The following SYT2 variants were observed in gnomAD, a reference collection of about 807,000 sequenced individuals.
SYT2 encodes the protein synaptotagmin 2.
A neutral mutation model predicts 39.9 loss-of-function variants in SYT2; 15 were observed. The ratio of observed to expected loss-of-function variants is 0.38; its 90% CI spans 0.25 to 0.58. The LOEUF is 0.58. Among genes scored for constraint, SYT2 ranks in the 20% least tolerant of loss-of-function variants. SYT2 has a pLI of 0.70. For synonymous variants in SYT2, 181 were observed against 204.5 expected (o/e 0.89, Z 0.98); for missense variants, 389 against 530.3 (o/e 0.73, Z 2.62).
intron 1 of SYT2, among the ~76,000 whole-genome samples, chr1:202,702,737 G>A (rs1654151376): frequency 6.6e-6 from 1 of 152,182 alleles, no homozygotes; most frequent in African/African-American, 2.4e-5. Context: ...GCCGTCACTT[G>A]GTCCATCTGA....
intron 8 of SYT2, among the ~76,000 whole-genome samples, chr1:202,598,523 C>CG (rs1264259478): frequency 6.6e-6 from 1 of 150,834 alleles, no homozygotes; most frequent in Non-Finnish European, 1.5e-5. Flanking sequence ...AGCCCTCCTG[C>CG]GGGGAGGAGA....
intron 1 of SYT2, among the ~76,000 whole-genome samples, chr1:202,664,900 C>A (rs1692453869): frequency 6.6e-6 from 1 of 152,216 alleles, no homozygotes; most frequent in African/African-American, 2.4e-5. Context: ...CTCAGGTGAT[C>A]TGCCTGCCTT....
At chr1:202,650,748 G>A (rs1384808513) in intron 1 of SYT2, among the ~76,000 whole-genome samples, 11 of 152,190 alleles carry the variant, frequency 7.2e-5, no homozygotes, top group Non-Finnish European at 7.3e-5. Context: ...TGCAGCACGG[G>A]GAAAACAGCA....
intron 1 of SYT2, among the ~76,000 whole-genome samples, chr1:202,638,461 A>AC (rs1412111384): frequency 6.6e-6 from 1 of 152,206 alleles, no homozygotes; most frequent in African/African-American, 2.4e-5. Flanking sequence ...TGCCTGAGAG[A>AC]CCCGCTCAAT....
Position 202,592,797 on chromosome 1 carries a change from A to C in SYT2, c.*3960T>G, listed in dbSNP as rs928207118. On this transcript the variant is annotated 3_prime_UTR_variant, in exon 9 of 9. Coordinates refer to ENST00000367268, the MANE Select transcript of SYT2 (RefSeq NM_177402.5). Reference sequence around the variant, plus strand: ...CCCTTGGGACCAAAGGGAGAGGGGGAAAAGTCATAGGGTAGGGTTCCCAGA... The same window carrying C: ...CCCTTGGGACCAAAGGGAGAGGGGGCAAAGTCATAGGGTAGGGTTCCCAGA... 6.6e-6 allele frequency: 1 copy of C among 152,320 alleles called. No individual in the cohort carries two copies. The highest frequency in any genetic ancestry group is 2.1e-4 in the South Asian group (1 of 4,818). The allele number at this position is 152,320 out of a possible 1,614,324, so 9.4% of individuals were successfully genotyped here.
intron 1 of SYT2, among the ~76,000 whole-genome samples, chr1:202,648,572 G>A (rs150246761): frequency 7.9e-4 from 120 of 152,256 alleles, no homozygotes; most frequent in African/African-American, 2.4e-3. Flanking sequence ...TATGTTGCGT[G>A]GGGCAAGGCA....
chr1:202,653,518 G>A (rs962131598), intron 1 of SYT2, among the ~76,000 whole-genome samples: 8 of 149,546 alleles, frequency 5.3e-5, no homozygotes, highest in Non-Finnish European at 7.4e-5. Flanking sequence ...CATAGTAGAT[G>A]CTTGCCTTAA....
chr1:202,704,327 C>T (rs981321071), intron 1 of SYT2, among the ~76,000 whole-genome samples: 6 of 152,184 alleles, frequency 3.9e-5, no homozygotes, highest in Non-Finnish European at 8.8e-5. Context: ...GGGGAGCGCC[C>T]AGGCTGATAG....
intron 1 of SYT2, among the ~76,000 whole-genome samples, chr1:202,669,417 C>T (rs1165315482): frequency 1.3e-5 from 2 of 151,492 alleles, no homozygotes; most frequent in Admixed American, 1.3e-4. Flanking sequence ...TTTGGGAGGC[C>T]GAGGCGGGTG....
At chr1:202,642,466 T>A (rs79368122) in intron 1 of SYT2, among the ~76,000 whole-genome samples, 1 of 151,726 alleles carries the variant, frequency 6.6e-6, no homozygotes, top group South Asian at 2.1e-4. Flanking sequence ...GCAAACTGAG[T>A]AGGGCCCTCG....
At chr1:202,641,990 T>C (rs1416557717) in intron 1 of SYT2, among the ~76,000 whole-genome samples, 1 of 152,042 alleles carries the variant, frequency 6.6e-6, no homozygotes, top group Non-Finnish European at 1.5e-5. Context: ...GTAGGGGAGC[T>C]ACAGTCTTCC....
chr1:202,674,079 G>A (rs1291030743), intron 1 of SYT2, among the ~76,000 whole-genome samples: 2 of 152,044 alleles, frequency 1.3e-5, no homozygotes, highest in Non-Finnish European at 2.9e-5. Context: ...TCTGAACAAT[G>A]GGAGAGCACA....
chr1:202,637,497 G>A (rs1287929816), intron 1 of SYT2, among the ~76,000 whole-genome samples: 1 of 152,264 alleles, frequency 6.6e-6, no homozygotes, highest in Non-Finnish European at 1.5e-5. Flanking sequence ...CCATGTGCTG[G>A]GGGTGGGGAT....
At position 202,604,510 on chromosome 1, in the gene SYT2, T is replaced by A. The variant is rs1057030050; in HGVS notation, c.290A>T (p.Glu97Val). The change falls in exon 3 of 9, where the codon GAG becomes GTG. Residue 97 changes from glutamate to valine, a missense_variant. Physicochemically the swap from Glu to Val is moderately radical, Grantham distance 121 (BLOSUM62 -2). Transcript: ENST00000367268. ...GGCATTCTTCATGCCTTTGCCCTTC[T>A]CCTTCTTGTTCTTCTTCTTCTTGCA... ...CCCKKKKNKK[E>V]KGKGMKNAMN... 5.0e-6 allele frequency: 8 copies of A among 1,614,104 alleles called. No individual in the cohort carries two copies. The highest frequency in any genetic ancestry group is 5.9e-6 in the Non-Finnish European group (7 of 1,180,038).
In SYT2 at chr1:202,602,904, C is replaced by T. The variant is rs879137668; in HGVS notation, c.465+95G>A. ...TCATTCTATGGAAAGGAGTAGTGCC[C>T]ACACATCTCTGAGGGAGCTGTTTCT... On this transcript the variant is annotated intron_variant, in intron 4 of 8. Coordinates refer to ENST00000367268, the MANE Select transcript of SYT2 (RefSeq NM_177402.5). 1.2e-5 allele frequency: 17 copies of T among 1,458,748 alleles called. No homozygotes were observed. In the South Asian group the frequency reaches 1.5e-4, roughly 13 times the overall value. 90.4% of individuals were successfully genotyped at this position (1,458,748 alleles called of 1,614,324 possible). A position where few individuals can be genotyped will look rare whatever the true frequency, so the allele number is the denominator to read the frequency against.
At position 202,664,922 on chromosome 1, in the gene SYT2, G is replaced by T. The variant is rs547360558; in HGVS notation, c.-18+45336C>A. Among the ~76,000 whole-genome samples the T allele has an allele frequency of 1.1e-3, 166 of 152,332 alleles. 1 individual carries two copies. Among genetic ancestry groups the T allele is most frequent in the African/African-American group, 3.7e-3 (153 of 41,572 alleles). On this transcript the variant is annotated intron_variant, in intron 1 of 8. Transcript: ENST00000367268. Reference sequence around the variant, plus strand: ...GATCTGCCTGCCTTGGCCTCCCAAAGTGCTGGGATTACAGGCGTGAGCCAC... The same window carrying T: ...GATCTGCCTGCCTTGGCCTCCCAAATTGCTGGGATTACAGGCGTGAGCCAC...
intron 1 of SYT2, among the ~76,000 whole-genome samples, chr1:202,685,766 C>T (rs1181465718): frequency 6.6e-6 from 1 of 152,144 alleles, no homozygotes; most frequent in African/African-American, 2.4e-5. Context: ...TTTCCTATTG[C>T]CTGTCACAGC....
chr1:202,653,558 G>T (rs1267107482), intron 1 of SYT2, among the ~76,000 whole-genome samples: 1 of 149,642 alleles, frequency 6.7e-6, no homozygotes, highest in Admixed American at 6.7e-5. Context: ...GTCAGAAATA[G>T]ACCAGAACCT....
chr1:202,594,727 C>CACACACACACACA lies in SYT2; in HGVS notation c.*2029_*2030insTGTGTGTGTGTGT, dbSNP rs55680589. On this transcript the variant is annotated 3_prime_UTR_variant, in exon 9 of 9. Coordinates refer to ENST00000367268, the MANE Select transcript of SYT2 (RefSeq NM_177402.5). ...ACACACACACACACACACACACACA[C>CACACACACACACA]CAGTAAAAACATAACTTCCCATGTA... 2.5e-4 allele frequency: 38 copies of CACACACACACACA among 152,066 alleles called. No homozygotes were observed. The highest frequency in any genetic ancestry group is 4.1e-4 in the Non-Finnish European group (28 of 68,220). The allele number at this position is 152,066 out of a possible 1,614,324, so 9.4% of individuals were successfully genotyped here. A position where few individuals can be genotyped will look rare whatever the true frequency, so the allele number is the denominator to read the frequency against.
Sources: allele counts gnomAD v4.1 joint callset (sites outside exome capture counted in the v4.1 genomes callset), GRCh38; gene constraint gnomAD v4.1.1; transcripts MANE v1.5; gene names NCBI Gene and HGNC (gene_info 2026-07-23, HGNC 2026-07-21).